NFIB: variants seen among roughly 807,000 people sequenced by gnomAD.
The protein encoded by NFIB is nuclear factor I B, also known as nuclear factor 1 B-type.
NFIB carries 11 observed loss-of-function variants against 61.5 expected under a neutral mutation model. The ratio of observed to expected loss-of-function variants is 0.18; its 90% CI spans 0.11 to 0.30. The LOEUF (loss-of-function observed/expected upper bound fraction) is 0.30. Ranked by LOEUF, NFIB falls within the 10% of genes least tolerant of loss-of-function variation. NFIB has a pLI of 1.00. For missense variants in NFIB, 471 were observed against 608.9 expected, an observed-to-expected ratio of 0.77 and a Z score of 2.38; for synonymous variants, 260 against 216.5, an observed-to-expected ratio of 1.20 and a Z score of -1.76.
chr9:14,143,297 G>A (rs1318242730), intron 6 of NFIB, among the ~76,000 whole-genome samples: 1 of 151,868 alleles, frequency 6.6e-6, no homozygotes, highest in African/African-American at 2.4e-5. Context: ...TAGATTTTGT[G>A]TTAATATTTT....
intron 2 of NFIB, among the ~76,000 whole-genome samples, chr9:14,250,706 G>A (rs563548349): frequency 3.9e-5 from 6 of 152,250 alleles, no homozygotes; most frequent in African/African-American, 1.4e-4. Flanking sequence ...ACAGTATATA[G>A]AATATTTTAA....
At chr9:14,382,110 A>T (rs2061494894) in intron 1 of NFIB, among the ~76,000 whole-genome samples, 1 of 152,206 alleles carries the variant, frequency 6.6e-6, no homozygotes, top group Non-Finnish European at 1.5e-5. Flanking sequence ...CCCTGAGGGC[A>T]GACAAAAAGG....
intron 1 of NFIB, among the ~76,000 whole-genome samples, chr9:14,388,665 C>G (rs2061584068): frequency 1.3e-5 from 2 of 152,178 alleles, no homozygotes; most frequent in African/African-American, 4.8e-5. Flanking sequence ...TGACCAACTT[C>G]TAGATAGCAA....
intron 1 of NFIB, chr9:14,322,099 A>AAG: frequency 1.1e-6 from 1 of 924,232 alleles, no homozygotes; most frequent in Non-Finnish European, 1.4e-6. Flanking sequence ...AAAAAAAAAA[A>AAG]AAAGCAATCC....
chr9:14,491,440 A>G, the NFIB span, among the ~76,000 whole-genome samples: 2 of 152,234 alleles, frequency 1.3e-5, no homozygotes, highest in Non-Finnish European at 2.9e-5. Flanking sequence ...GTGGGAAAAA[A>G]TCATGTACCA....
the NFIB span, among the ~76,000 whole-genome samples, chr9:14,490,862 A>G: frequency 2.0e-5 from 3 of 152,226 alleles, no homozygotes; most frequent in African/African-American, 7.2e-5. Flanking sequence ...TATCATTCAC[A>G]ATACTCTAGA....
At chr9:14,116,138 G>A (rs1423994249) in intron 9 of NFIB, 70 bp downstream of exon 9, 5 of 1,384,630 alleles carry the variant, frequency 3.6e-6, no homozygotes, top group Non-Finnish European at 4.7e-6. Context: ...ATATCCAATG[G>A]TGCCTCTGAT....
intron 1 of NFIB, among the ~76,000 whole-genome samples, chr9:14,345,878 G>A (rs1268392348): frequency 6.6e-6 from 1 of 152,112 alleles, no homozygotes; most frequent in African/African-American, 2.4e-5. Flanking sequence ...TTCCACGAAT[G>A]TCGCTGCACG....
At chr9:14,322,848 G>A (rs1007751949) in intron 1 of NFIB, among the ~76,000 whole-genome samples, 3 of 152,040 alleles carry the variant, frequency 2.0e-5, no homozygotes, top group Non-Finnish European at 2.9e-5. Context: ...CCGGAGAGCG[G>A]CGAGGGCGTG....
intron 1 of NFIB, among the ~76,000 whole-genome samples, chr9:14,312,705 C>T (rs1435843375): frequency 6.6e-6 from 1 of 152,026 alleles, no homozygotes; most frequent in South Asian, 2.1e-4. Context: ...TTCTCAAAGT[C>T]GAAAAAAATG....
chr9:14,221,392 T>G (rs2051655738), intron 2 of NFIB, among the ~76,000 whole-genome samples: 1 of 152,248 alleles, frequency 6.6e-6, no homozygotes, highest in Non-Finnish European at 1.5e-5. Flanking sequence ...ACACAATATT[T>G]GTAATACGCA....
intron 2 of NFIB, among the ~76,000 whole-genome samples, chr9:14,223,218 G>T (rs971189628): frequency 1.3e-5 from 2 of 152,212 alleles, no homozygotes; most frequent in Non-Finnish European, 2.9e-5. Flanking sequence ...TAGTTGCTAT[G>T]CTTAGATGAT....
upstream of NFIB, chr9:14,314,173 C>G: frequency 1.0e-5 from 1 of 95,418 alleles, no homozygotes; most frequent in Non-Finnish European, 1.4e-5. Context: ...CGGGAGAGGG[C>G]CGGGGTGGGG....
At chr9:14,529,606 GA>G in the NFIB span, among the ~76,000 whole-genome samples, 1 of 152,066 alleles carries the variant, frequency 6.6e-6, no homozygotes, top group Non-Finnish European at 1.5e-5. Context: ...TATTACTAAA[GA>G]TAAGCAATCA....
At chr9:14,100,467 G>A (rs1342809189) in intron 10 of NFIB, among the ~76,000 whole-genome samples, 1 of 151,984 alleles carries the variant, frequency 6.6e-6, no homozygotes, top group Non-Finnish European at 1.5e-5. Flanking sequence ...CCAGCACTTT[G>A]GGAGGCCGAG....
intron 1 of NFIB, among the ~76,000 whole-genome samples, chr9:14,338,626 A>G (rs7036184): frequency 0.63 from 95,407 of 152,008 alleles, 35,355 homozygotes; most frequent in East Asian, 0.86. Flanking sequence ...ATTAAACCAG[A>G]AAACATGTGA....
At chr9:14,394,177 G>GA (rs1337804476) in intron 1 of NFIB, among the ~76,000 whole-genome samples, 1 of 152,116 alleles carries the variant, frequency 6.6e-6, no homozygotes, top group Non-Finnish European at 1.5e-5. Context: ...TCTAGTGGGG[G>GA]AAAAACAGCC....
chr9:14,405,231 C>A, the NFIB span, among the ~76,000 whole-genome samples: 1 of 152,166 alleles, frequency 6.6e-6, no homozygotes, highest in Non-Finnish European at 1.5e-5. Context: ...CAGCCTGAGT[C>A]CCTGAATGGT....
chr9:14,445,573 T>C, the NFIB span, among the ~76,000 whole-genome samples: 1 of 152,222 alleles, frequency 6.6e-6, no homozygotes, highest in Non-Finnish European at 1.5e-5. Flanking sequence ...TAGATGATCA[T>C]TCAACTTTTC....
Sources: allele counts gnomAD v4.1 joint callset (sites outside exome capture counted in the v4.1 genomes callset), GRCh38; gene constraint gnomAD v4.1.1; transcripts MANE v1.5; gene names NCBI Gene and HGNC (gene_info 2026-07-23, HGNC 2026-07-21).